Variants in RAP1GAP2 observed in about 807,000 individuals in gnomAD.
RAP1GAP2 encodes rap1 GTPase-activating protein 2.
Under a neutral mutation model 95.0 loss-of-function variants are expected in RAP1GAP2, and 27 were observed. The ratio of observed to expected loss-of-function variants is 0.28; its 90% CI spans 0.21 to 0.39. The LOEUF (loss-of-function observed/expected upper bound fraction) is 0.39. RAP1GAP2 is among the 10% of genes least tolerant of loss of function. RAP1GAP2 has a pLI of 1.00. For missense variants in RAP1GAP2, 771 were observed against 970.0 expected (o/e 0.79, Z 2.72); for synonymous variants, 373 against 380.9 (o/e 0.98, Z 0.24).
chr17:2,860,807 T>C (rs1448142184), intron 2 of RAP1GAP2, among the ~76,000 whole-genome samples: 1 of 151,968 alleles, frequency 6.6e-6, no homozygotes, highest in Non-Finnish European at 1.5e-5. Context: ...GGTTTCACCA[T>C]GTTGGCCAGG....
At chr17:2,852,064 G>T (rs765465588) in intron 2 of RAP1GAP2, among the ~76,000 whole-genome samples, 23 of 152,166 alleles carry the variant, frequency 1.5e-4, no homozygotes, top group Non-Finnish European at 2.9e-4. Flanking sequence ...TAACCTGTGG[G>T]TCCTCGGGTG....
intron 3 of RAP1GAP2, among the ~76,000 whole-genome samples, chr17:2,924,407 C>A (rs915074274): frequency 6.6e-6 from 1 of 152,080 alleles, no homozygotes; most frequent in Non-Finnish European, 1.5e-5. Flanking sequence ...GGCAGCAGGA[C>A]TGAGAAGTTT....
chr17:2,898,524 T>G (rs2041916652), intron 2 of RAP1GAP2, among the ~76,000 whole-genome samples: 1 of 152,216 alleles, frequency 6.6e-6, no homozygotes, highest in Non-Finnish European at 1.5e-5. Flanking sequence ...GTCTGTCCCC[T>G]TGGGGCTTGG....
At chr17:2,808,482 C>T (rs2069617037) in intron 2 of RAP1GAP2, among the ~76,000 whole-genome samples, 2 of 152,280 alleles carry the variant, frequency 1.3e-5, no homozygotes, top group South Asian at 2.1e-4. Context: ...ATACCTCCTG[C>T]CCTGTGGAAG....
chr17:3,009,150 C>T (rs752949875), intron 17 of RAP1GAP2, among the ~76,000 whole-genome samples: 9 of 152,190 alleles, frequency 5.9e-5, no homozygotes, highest in Non-Finnish European at 1.0e-4. Context: ...TCTTAAGGTG[C>T]AGCTTTCTTG....
At chr17:2,795,672 C>T (rs1014775388), upstream of RAP1GAP2, among the ~76,000 whole-genome samples, 1 of 152,126 alleles carries the variant, frequency 6.6e-6, no homozygotes, top group Admixed American at 6.5e-5. Flanking sequence ...GTGATGTGGT[C>T]TGAGTATGTG....
Position 2,964,073 on chromosome 17 carries a change from G to A in RAP1GAP2, c.492+5G>A. 2 of 1,607,182 alleles carry A rather than the reference G, an allele frequency of 1.2e-6. No individual in the cohort carries two copies. Among genetic ancestry groups the A allele is most frequent in the Non-Finnish European group, 1.7e-6 (2 of 1,177,134 alleles). On this transcript the variant is annotated splice_donor_5th_base_variant and intron_variant, in intron 7 of 24. Coordinates refer to ENST00000254695, the MANE Select transcript of RAP1GAP2 (RefSeq NM_015085.5). The stretch of plus-strand genomic sequence containing the variant: ...CGGAGGCACTTCCTGGGGAAGGTGA[G>A]GCTGGGGGAGAGGAGCTGCTGGGGG...
intron 8 of RAP1GAP2, among the ~76,000 whole-genome samples, chr17:2,969,523 A>C (rs1338846974): frequency 1.6e-5 from 1 of 64,410 alleles, no homozygotes; most frequent in Non-Finnish European, 2.9e-5. Flanking sequence ...TTTTTTTGAG[A>C]TGGAGTCTTG....
rs548029154 is a variant in RAP1GAP2 at position 2,881,825 on chromosome 17, A to G, written c.81-23459A>G. ...TAGTGGGTGTGATCTGCTTTTTTTT[A>G]TTTGTTTGTTTTTGAGACGGAGTCT... On this transcript the variant is annotated intron_variant, in intron 2 of 24. Transcript: ENST00000254695. Among the ~76,000 whole-genome samples, 179 of 147,886 alleles carry G rather than the reference A, an allele frequency of 1.2e-3. 1 individual carries two copies. Among genetic ancestry groups the G allele is most frequent in the Non-Finnish European group, 2.1e-3 (143 of 66,708 alleles).
intron 2 of RAP1GAP2, among the ~76,000 whole-genome samples, chr17:2,814,793 C>T (rs2069932719): frequency 6.6e-6 from 1 of 152,160 alleles, no homozygotes; most frequent in East Asian, 1.9e-4. Context: ...GAAATCCGTG[C>T]CTGGCAGACC....
intron 2 of RAP1GAP2, among the ~76,000 whole-genome samples, chr17:2,882,119 CTTT>C (rs1182195871): frequency 7.6e-6 from 1 of 131,812 alleles, no homozygotes. Context: ...TGTGCCTGGC[CTTT>C]TTTTTTTTTT....
intron 2 of RAP1GAP2, among the ~76,000 whole-genome samples, chr17:2,848,205 C>G (rs968866383): frequency 6.6e-6 from 1 of 152,074 alleles, no homozygotes; most frequent in South Asian, 2.1e-4. Context: ...GGTTTCCTTT[C>G]CTTGGAGCTT....
intron 2 of RAP1GAP2, among the ~76,000 whole-genome samples, chr17:2,868,287 G>A (rs1344367690): frequency 6.6e-6 from 1 of 152,116 alleles, no homozygotes; most frequent in East Asian, 1.9e-4. Flanking sequence ...AGGCCCAGAG[G>A]AAGTCTCAGA....
intron 2 of RAP1GAP2, among the ~76,000 whole-genome samples, chr17:2,846,904 A>G (rs1020081555): frequency 1.3e-5 from 2 of 150,828 alleles, no homozygotes; most frequent in Admixed American, 1.3e-4. Flanking sequence ...TGGCCTGTCA[A>G]TTCCTAACTG....
At chr17:2,877,271 T>C (rs2073133636) in intron 2 of RAP1GAP2, among the ~76,000 whole-genome samples, 1 of 152,130 alleles carries the variant, frequency 6.6e-6, no homozygotes, top group Admixed American at 6.6e-5. Flanking sequence ...ACGGATCATA[T>C]CTCCCATCTC....
rs2044417560 is a variant in RAP1GAP2 at position 2,963,181 on chromosome 17, G to A, written c.247-249G>A. The A allele has an allele frequency of 5.2e-6, 3 of 581,566 alleles. No individual in the cohort carries two copies. The highest frequency in any genetic ancestry group is 6.2e-5 in the Admixed American group (2 of 32,074). The allele number at this position is 581,566 out of a possible 1,614,324, so 36.0% of individuals were successfully genotyped here. Reference sequence around the variant, plus strand: ...CTAGGATGAGAAGCTGGTATCACGAGGGGTGAGAAGTTCAGCACCTTCGGA... The same window carrying A: ...CTAGGATGAGAAGCTGGTATCACGAAGGGTGAGAAGTTCAGCACCTTCGGA... On this transcript the variant is annotated intron_variant, in intron 5 of 24. Transcript: ENST00000254695. This position sits in a 1 kb window ranked among gnomAD's most constrained non-coding sequence, Gnocchi z 4.8.
intron 3 of RAP1GAP2, among the ~76,000 whole-genome samples, chr17:2,937,590 G>T (rs2043343845): frequency 6.6e-6 from 1 of 152,160 alleles, no homozygotes; most frequent in Non-Finnish European, 1.5e-5. Context: ...GCCTTATCCT[G>T]GGTCCCTTTT....
intron 1 of RAP1GAP2, among the ~76,000 whole-genome samples, chr17:2,781,494 T>C (rs150523105): frequency 2.0e-5 from 3 of 152,376 alleles, no homozygotes; most frequent in African/African-American, 7.2e-5. Context: ...GTGGTTCTTC[T>C]GAGCACACCC....
chr17:2,991,781 TGG>T (rs2045761483), intron 12 of RAP1GAP2, among the ~76,000 whole-genome samples: 1 of 152,226 alleles, frequency 6.6e-6, no homozygotes, highest in Non-Finnish European at 1.5e-5. Context: ...TTTTTATTTT[TGG>T]AGACAGAGTC....
Sources: allele counts gnomAD v4.1 joint callset (sites outside exome capture counted in the v4.1 genomes callset), GRCh38; gene constraint gnomAD v4.1.1; non-coding constraint Gnocchi (gnomAD v3.1); transcripts MANE v1.5; gene names NCBI Gene and HGNC (gene_info 2026-07-23, HGNC 2026-07-21).